The following DCC variants were observed in gnomAD, a reference collection of about 807,000 sequenced individuals.
The protein encoded by DCC is netrin receptor DCC.
DCC carries 58 observed loss-of-function variants against 172.5 expected under a neutral mutation model. The observed-to-expected ratio is 0.34, with a 90% CI of 0.27 to 0.42. The LOEUF is 0.42. DCC is among the 10% of genes least tolerant of loss of function. The probability of loss-of-function intolerance (pLI) is 1.00; values close to 1 mark genes in which losing one functional copy is unlikely to be tolerated. For missense variants in DCC, 1,740 were observed against 1,791.0 expected, an observed-to-expected ratio of 0.97 and a Z score of 0.51; for synonymous variants, 709 against 644.5, an observed-to-expected ratio of 1.10 and a Z score of -1.52.
At chr18:52,957,255 A>C (rs143230812) in intron 5 of DCC, among the ~76,000 whole-genome samples, 2,057 of 152,198 alleles carry the variant, frequency 0.014, 59 homozygotes, top group African/African-American at 0.048. Flanking sequence ...TTATATATTC[A>C]TTCATTAGAA....
intron 11 of DCC, among the ~76,000 whole-genome samples, chr18:53,213,727 T>C (rs2055797560): frequency 6.8e-6 from 1 of 146,016 alleles, no homozygotes; most frequent in African/African-American, 2.5e-5. Context: ...ACTTTGCTTT[T>C]AAAGGATAAC....
At position 53,532,833 on chromosome 18, in the gene DCC, A is replaced by C. The variant is rs2046537916; in HGVS notation, c.*2180A>C. 6.6e-6 allele frequency: 1 copy of C among 152,108 alleles called. No homozygotes were observed. Among genetic ancestry groups the C allele is most frequent in the Admixed American group, 6.5e-5 (1 of 15,278 alleles). 9.4% of individuals were successfully genotyped at this position (152,108 alleles called of 1,614,324 possible). On this transcript the variant is annotated 3_prime_UTR_variant, in exon 29 of 29. Transcript: ENST00000442544. ...AAGTTGACCAATTAAAAAAAAAAAAAAAACCTATCATTTTCACAAATTTCT... is the reference window on the plus strand; with the variant it reads ...AAGTTGACCAATTAAAAAAAAAAAACAAACCTATCATTTTCACAAATTTCT...
chr18:52,679,470 G>T (rs2035704413), intron 1 of DCC, among the ~76,000 whole-genome samples: 2 of 152,164 alleles, frequency 1.3e-5, no homozygotes, highest in South Asian at 4.1e-4. Flanking sequence ...GAAAATAAGG[G>T]TGTATATTCA....
chr18:52,527,221 A>T (rs2032009679), intron 1 of DCC, among the ~76,000 whole-genome samples: 1 of 152,216 alleles, frequency 6.6e-6, no homozygotes, highest in Non-Finnish European at 1.5e-5. Flanking sequence ...GTTTAGAGCA[A>T]TTTGTTCTTC....
rs1286984968 is a variant in DCC at position 52,497,343 on chromosome 18, G to A, written c.91+156465G>A. Among the ~76,000 whole-genome samples the A allele has an allele frequency of 1.9e-4, 12 of 64,356 alleles. 1 individual carries two copies. Among genetic ancestry groups the A allele is most frequent in the African/African-American group, 5.2e-4 (8 of 15,260 alleles). The allele number at this position is 64,356 out of a possible 152,430, so 42.2% of individuals were successfully genotyped here. On this transcript the variant is annotated intron_variant, in intron 1 of 28. Coordinates refer to ENST00000442544, the MANE Select transcript of DCC (RefSeq NM_005215.4). ...CACACACATATATATACACACGTAT[G>A]CATATATATATACACACATATACAT... is the stretch of plus-strand genomic sequence containing the variant.
intron 5 of DCC, among the ~76,000 whole-genome samples, chr18:53,047,201 T>G (rs1219709056): frequency 1.6e-5 from 2 of 124,218 alleles, no homozygotes; most frequent in African/African-American, 6.0e-5. Flanking sequence ...TCCTACTCCT[T>G]AAGGCTATCC....
chr18:52,423,341 T>G (rs2144441517), intron 1 of DCC, among the ~76,000 whole-genome samples: 1 of 151,788 alleles, frequency 6.6e-6, no homozygotes, highest in South Asian at 2.1e-4. Context: ...GTCGTCAGAG[T>G]GGTGGGGTTG....
At chr18:53,015,938 T>C (rs562420129) in intron 5 of DCC, among the ~76,000 whole-genome samples, 2 of 152,250 alleles carry the variant, frequency 1.3e-5, no homozygotes, top group South Asian at 2.1e-4. Context: ...TAAAAATATA[T>C]GGTGAATACT....
chr18:52,883,072 TCTG>T (rs963863655), intron 2 of DCC, among the ~76,000 whole-genome samples: 2 of 152,094 alleles, frequency 1.3e-5, no homozygotes, highest in African/African-American at 4.8e-5. Context: ...TATAGCTACT[TCTG>T]CTCTTTTTTT....
At chr18:53,258,250 C>G (rs2056548078) in intron 12 of DCC, among the ~76,000 whole-genome samples, 1 of 151,974 alleles carries the variant, frequency 6.6e-6, no homozygotes, top group African/African-American at 2.4e-5. Context: ...TTGCCTTCTG[C>G]TAGCTTTTGA....
intron 22 of DCC, among the ~76,000 whole-genome samples, chr18:53,445,623 T>A (rs1912548927): frequency 6.6e-6 from 1 of 152,194 alleles, no homozygotes; most frequent in South Asian, 2.1e-4. Context: ...ATAAGAAATA[T>A]AAAACATTTT....
At chr18:53,457,968 T>C (rs1241657514) in intron 23 of DCC, among the ~76,000 whole-genome samples, 1 of 152,202 alleles carries the variant, frequency 6.6e-6, no homozygotes. Context: ...ACCTAGTATT[T>C]ACAAAGCTAC....
chr18:53,245,750 A>G (rs1261032346), intron 12 of DCC, among the ~76,000 whole-genome samples: 1 of 152,156 alleles, frequency 6.6e-6, no homozygotes, highest in African/African-American at 2.4e-5. Context: ...AGAATACCTT[A>G]GACTGGAAAG....
intron 8 of DCC, among the ~76,000 whole-genome samples, chr18:53,158,889 A>G (rs1340761563): frequency 6.7e-6 from 1 of 149,868 alleles, no homozygotes; most frequent in East Asian, 2.0e-4. Context: ...GCCACTCAGG[A>G]GGATGAGGCA....
chr18:53,024,354 G>A (rs752943650), intron 5 of DCC, among the ~76,000 whole-genome samples: 1 of 152,104 alleles, frequency 6.6e-6, no homozygotes, highest in Non-Finnish European at 1.5e-5. Flanking sequence ...TCTTCACTAA[G>A]GACTTTTGTT....
At chr18:53,245,403 A>T (rs2056353766) in intron 12 of DCC, among the ~76,000 whole-genome samples, 3 of 152,120 alleles carry the variant, frequency 2.0e-5, no homozygotes, top group Admixed American at 6.6e-5. Context: ...CAGTTTACTC[A>T]TTTGTTATGT....
At chr18:53,153,900 G>T (rs1186513105) in intron 7 of DCC, among the ~76,000 whole-genome samples, 1 of 152,134 alleles carries the variant, frequency 6.6e-6, no homozygotes, top group Non-Finnish European at 1.5e-5. Context: ...GAGAACATTG[G>T]CTTCGTCTGT....
chr18:53,243,158 A>G (rs138685706), intron 12 of DCC, among the ~76,000 whole-genome samples: 305 of 152,296 alleles, frequency 2.0e-3, no homozygotes, highest in African/African-American at 7.0e-3. Context: ...AGATGCTGGC[A>G]AGGAAGGAAA....
chr18:52,533,555 G>A (rs1374058200), intron 1 of DCC, among the ~76,000 whole-genome samples: 1 of 151,996 alleles, frequency 6.6e-6, no homozygotes. Context: ...CCATCCAGGT[G>A]GTTACATGTA....
Sources: gnomAD v4.1 joint callset for allele counts (sites outside exome capture counted in the v4.1 genomes callset) on GRCh38, gnomAD v4.1.1 for gene constraint, MANE v1.5 for transcripts, NCBI Gene and HGNC (gene_info 2026-07-23, HGNC 2026-07-21) for gene names.